Variants in GDAP1 observed in about 807,000 individuals in gnomAD.
GDAP1 encodes the protein ganglioside induced differentiation associated protein 1, also known as ganglioside-induced differentiation-associated protein 1.
GDAP1 carries 34 observed loss-of-function variants against 40.1 expected under a neutral mutation model. The observed-to-expected ratio is 0.85, with a 90% CI of 0.64 to 1.13. The LOEUF is 1.13. Among genes scored for constraint, GDAP1 ranks in the 50% most tolerant of loss-of-function variants. The pLI is 0.00. For synonymous variants in GDAP1, 170 were observed against 157.4 expected (o/e 1.08, Z -0.60); for missense variants, 374 against 433.7 (o/e 0.86, Z 1.22).
At chr8:74,439,334 A>T (rs1375057996) in intron 2 of GDAP1, among the ~76,000 whole-genome samples, 1 of 152,036 alleles carries the variant, frequency 6.6e-6, no homozygotes, top group Non-Finnish European at 1.5e-5. Context: ...CCTGTGGAAG[A>T]CCAATTAATT....
chr8:74,387,916 G>A (rs1810049494), intron 2 of GDAP1, among the ~76,000 whole-genome samples: 2 of 152,122 alleles, frequency 1.3e-5, no homozygotes, highest in Non-Finnish European at 2.9e-5. Context: ...TTGGGAGGGT[G>A]TATGTGTCAA....
At chr8:74,436,053 G>A (rs1806084755) in intron 2 of GDAP1, among the ~76,000 whole-genome samples, 1 of 152,290 alleles carries the variant, frequency 6.6e-6, no homozygotes, top group Admixed American at 6.5e-5. Context: ...TAAAAAGCAG[G>A]CAACATACTC....
chr8:74,359,350 C>T (rs1421168521), intron 2 of GDAP1, among the ~76,000 whole-genome samples: 1 of 152,174 alleles, frequency 6.6e-6, no homozygotes, highest in Non-Finnish European at 1.5e-5. Flanking sequence ...AAACATTATA[C>T]TAGGCACTGG....
At chr8:74,432,985 TC>T (rs1166937563) in intron 2 of GDAP1, among the ~76,000 whole-genome samples, 4 of 152,208 alleles carry the variant, frequency 2.6e-5, no homozygotes, top group African/African-American at 7.2e-5. Context: ...CTTATGATTG[TC>T]CCCTAGTCCA....
intron 2 of GDAP1, among the ~76,000 whole-genome samples, chr8:74,422,172 TTTC>T (rs1285281175): frequency 1.4e-5 from 2 of 142,098 alleles, no homozygotes; most frequent in African/African-American, 6.1e-5. Flanking sequence ...CTTTCTTTCT[TTTC>T]TTTCTTTCTT....
At chr8:74,390,567 G>A (rs142560030) in intron 2 of GDAP1, among the ~76,000 whole-genome samples, 46 of 152,188 alleles carry the variant, frequency 3.0e-4, no homozygotes, top group Middle Eastern at 3.4e-3. Flanking sequence ...CGTCCCAGAG[G>A]GGCACCCGCC....
rs1286507626 is a variant in GDAP1 at position 74,364,549 on chromosome 8, T to C, written c.*182T>C. The C allele has an allele frequency of 1.4e-6, 1 of 710,852 alleles. No homozygotes were observed. 44.0% of individuals were successfully genotyped at this position (710,852 alleles called of 1,614,324 possible). A position where few individuals can be genotyped will look rare whatever the true frequency, so the allele number is the denominator to read the frequency against. On this transcript the variant is annotated 3_prime_UTR_variant, in exon 6 of 6. Coordinates refer to ENST00000220822, the MANE Select transcript of GDAP1 (RefSeq NM_018972.4). ...AATAGGACACAAAATTGCTTTATTCTACAACTGCCAGCTCCAGGCAGAAAT... is the reference window on the plus strand; with the variant it reads ...AATAGGACACAAAATTGCTTTATTCCACAACTGCCAGCTCCAGGCAGAAAT...
chr8:74,386,657 T>G (rs1024914389), intron 2 of GDAP1, among the ~76,000 whole-genome samples: 1 of 152,204 alleles, frequency 6.6e-6, no homozygotes, highest in Non-Finnish European at 1.5e-5. Context: ...GTGATTGTCT[T>G]GGCTATACAG....
intron 2 of GDAP1, among the ~76,000 whole-genome samples, chr8:74,391,478 C>A (rs754257538): frequency 6.6e-5 from 10 of 151,650 alleles, no homozygotes; most frequent in Non-Finnish European, 1.2e-4. Context: ...TGATGCCCCA[C>A]CCTGCTTCTG....
chr8:74,396,521 A>G (rs2131545871), intron 2 of GDAP1, among the ~76,000 whole-genome samples: 1 of 151,348 alleles, frequency 6.6e-6, no homozygotes, highest in East Asian at 2.0e-4. Flanking sequence ...CCACCCCACA[A>G]CAGTCCCCAG....
At position 74,350,535 on chromosome 8, in the gene GDAP1, A is replaced by T; in HGVS notation, c.74A>T (p.Lys25Met). Residue 25 changes from lysine to methionine, a missense_variant, in exon 1 of 6, where the codon AAG (lysine) becomes ATG (methionine). Coordinates refer to ENST00000220822, the MANE Select transcript of GDAP1 (RefSeq NM_018972.4). ...GAAGGCAAGGCCGACGCGGAGGTTA[A>T]GCTCATTCTGTACCATTGGACGCAT... The part of the protein sequence containing the change: ...RAEGKADAEV[K>M]LILYHWTHSF... 6.2e-7 allele frequency: 1 copy of T among 1,613,118 alleles called. No individual in the cohort carries two copies. The highest frequency in any genetic ancestry group is 8.5e-7 in the Non-Finnish European group (1 of 1,179,048).
In GDAP1 at chr8:74,451,306, C is replaced by G. The variant is rs371925331; in HGVS notation, c.166-37372C>G. Among the ~76,000 whole-genome samples the G allele has an allele frequency of 2.5e-5, 2 of 81,242 alleles. 1 individual carries two copies. The allele number at this position is 81,242 out of a possible 152,430, so 53.3% of individuals were successfully genotyped here. A position where few individuals can be genotyped will look rare whatever the true frequency, so the allele number is the denominator to read the frequency against. ...CTCTACTAAACATACAAAAATTAGC[C>G]GGGCATGGTGATGCATGCCTGTAAT... On this transcript the variant is annotated intron_variant, in intron 2 of 2. Transcript: ENST00000523640.
intron 2 of GDAP1, among the ~76,000 whole-genome samples, chr8:74,407,692 A>G (rs1443156123): frequency 8.0e-6 from 1 of 124,962 alleles, no homozygotes; most frequent in Non-Finnish European, 1.8e-5. Context: ...CTGTCCCTCT[A>G]GAAAACCCTG....
chr8:74,446,130 A>G (rs1428105279), intron 2 of GDAP1, among the ~76,000 whole-genome samples: 2 of 152,184 alleles, frequency 1.3e-5, no homozygotes, highest in East Asian at 1.9e-4. Context: ...CTGGGTTGCT[A>G]TCAGAAGACT....
Position 74,366,006 on chromosome 8 carries a change from A to T in GDAP1, c.*1639A>T, listed in dbSNP as rs145245478. On this transcript the variant is annotated 3_prime_UTR_variant, in exon 6 of 6. Transcript: ENST00000220822. ...TTTATGTCACTCTGTTAGAAACAAGAACTGAGTCGTGAAGAAATAAGAATT... is the reference window on the plus strand; with the variant it reads ...TTTATGTCACTCTGTTAGAAACAAGTACTGAGTCGTGAAGAAATAAGAATT... The T allele has an allele frequency of 6.4e-3, 2,908 of 451,852 alleles. 23 individuals are homozygous for T. Among genetic ancestry groups the T allele is most frequent in the Middle Eastern group, 0.018 (25 of 1,428 alleles). The allele number at this position is 451,852 out of a possible 1,614,324, so 28.0% of individuals were successfully genotyped here. A position where few individuals can be genotyped will look rare whatever the true frequency, so the allele number is the denominator to read the frequency against.
intron 2 of GDAP1, among the ~76,000 whole-genome samples, chr8:74,468,167 G>T (rs777395399): frequency 6.6e-6 from 1 of 150,516 alleles, no homozygotes. Context: ...TTTAAATTAC[G>T]GTGGTGTTTT....
At chr8:74,472,126 G>C (rs965319256) in intron 2 of GDAP1, among the ~76,000 whole-genome samples, 1 of 152,054 alleles carries the variant, frequency 6.6e-6, no homozygotes, top group Admixed American at 6.6e-5. Context: ...AGTGTCTGTT[G>C]TTCCCTTTTG....
At chr8:74,352,492 A>G (rs1586796414) in intron 2 of GDAP1, among the ~76,000 whole-genome samples, 1 of 152,376 alleles carries the variant, frequency 6.6e-6, no homozygotes, top group East Asian at 1.9e-4. Context: ...AAAAAGTCTC[A>G]TGTACTTAGA....
intron 2 of GDAP1, among the ~76,000 whole-genome samples, chr8:74,425,361 G>A (rs1478695491): frequency 6.6e-6 from 1 of 152,164 alleles, no homozygotes; most frequent in African/African-American, 2.4e-5. Context: ...ACAAATGATG[G>A]TTCATTTAGC....
Sources: allele counts gnomAD v4.1 joint callset (sites outside exome capture counted in the v4.1 genomes callset), GRCh38; gene constraint gnomAD v4.1.1; transcripts MANE v1.5; gene names NCBI Gene and HGNC (gene_info 2026-07-23, HGNC 2026-07-21).